Variants in HEG1 observed in about 807,000 individuals in gnomAD.
The protein encoded by HEG1 is heart development protein with EGF like domains 1, also known as protein HEG homolog 1.
HEG1 carries 56 observed loss-of-function variants against 125.6 expected under a neutral mutation model. That is an observed-to-expected ratio of 0.45 (90% CI 0.36 to 0.56). The LOEUF (loss-of-function observed/expected upper bound fraction) is 0.56. Ranked by LOEUF, HEG1 falls within the 20% of genes least tolerant of loss-of-function variation. The probability of loss-of-function intolerance (pLI) is 0.00; values close to 1 mark genes in which losing one functional copy is unlikely to be tolerated. For synonymous variants in HEG1, 644 were observed against 668.5 expected, an observed-to-expected ratio of 0.96 and a Z score of 0.57; for missense variants, 1,523 against 1,670.0, an observed-to-expected ratio of 0.91 and a Z score of 1.53.
At chr3:125,037,813 A>G (rs1001387169) in intron 1 of HEG1, among the ~76,000 whole-genome samples, 1 of 152,236 alleles carries the variant, frequency 6.6e-6, no homozygotes, top group Non-Finnish European at 1.5e-5. Context: ...GGTTCAAGTC[A>G]GACCATGTAG....
intron 8 of HEG1, among the ~76,000 whole-genome samples, chr3:125,005,706 C>T (rs1937061706): frequency 6.6e-6 from 1 of 152,164 alleles, no homozygotes; most frequent in African/African-American, 2.4e-5. Flanking sequence ...AAGAAAGCTG[C>T]TACAAAGAAG....
intron 3 of HEG1, among the ~76,000 whole-genome samples, chr3:125,022,693 AAAGAAAT>A (rs796665637): frequency 0.033 from 3,878 of 116,896 alleles, 79 homozygotes; most frequent in South Asian, 0.1. Flanking sequence ...TTAAAAAAAA[AAAGAAAT>A]AAATAAATAA....
intron 1 of HEG1, among the ~76,000 whole-genome samples, chr3:125,034,849 G>A (rs1012478387): frequency 6.6e-6 from 1 of 152,120 alleles, no homozygotes; most frequent in Admixed American, 6.6e-5. Flanking sequence ...TGCCCAAAAT[G>A]AGATTAAAAA....
chr3:125,010,197 G>A (rs1313437624), intron 7 of HEG1, among the ~76,000 whole-genome samples: 1 of 152,208 alleles, frequency 6.6e-6, no homozygotes, highest in African/African-American at 2.4e-5. Context: ...TCCAGGGGCA[G>A]GAATAGGGTA....
intron 6 of HEG1, among the ~76,000 whole-genome samples, chr3:125,011,960 C>T (rs112750496): frequency 2.6e-4 from 40 of 152,348 alleles, no homozygotes; most frequent in African/African-American, 9.1e-4. Flanking sequence ...GCTACAAAAA[C>T]AACCCTAAGT....
At chr3:125,008,902 C>T (rs534296013) in intron 8 of HEG1, among the ~76,000 whole-genome samples, 29 of 152,372 alleles carry the variant, frequency 1.9e-4, no homozygotes, top group Non-Finnish European at 3.5e-4. Context: ...ACAAGGGTCA[C>T]ACCCTGCAAG....
At chr3:124,974,592 A>G (rs146787173) in intron 15 of HEG1, among the ~76,000 whole-genome samples, 76 of 152,330 alleles carry the variant, frequency 5.0e-4, no homozygotes, top group African/African-American at 1.6e-3. Context: ...ACAAATTCTC[A>G]TTTCAGCAGG....
intron 5 of HEG1, among the ~76,000 whole-genome samples, chr3:125,015,468 G>A (rs1452216376): frequency 1.3e-5 from 2 of 152,220 alleles, no homozygotes; most frequent in African/African-American, 4.8e-5. Context: ...ATGGCCACAA[G>A]GCCAGTCATT....
rs530035101 is a variant in HEG1 at position 125,045,613 on chromosome 3, A to C, written c.316+9962T>G. On this transcript the variant is annotated intron_variant, in intron 1 of 16. Transcript: ENST00000311127. ...ACAGGACAGAGACGAACAACTGAAA[A>C]GGCTATTGAGATTTCTCAGCAATGT... 2.0e-5 allele frequency among the ~76,000 whole-genome samples: 3 copies of C among 152,336 alleles called. No individual in the cohort carries two copies. In the South Asian group the frequency reaches 6.2e-4, roughly 32 times the overall value.
chr3:124,983,070 C>T (rs1936680598), intron 14 of HEG1, among the ~76,000 whole-genome samples: 1 of 152,190 alleles, frequency 6.6e-6, no homozygotes, highest in Non-Finnish European at 1.5e-5. Flanking sequence ...CCTCGCTACC[C>T]CCAGCTGCTG....
intron 15 of HEG1, among the ~76,000 whole-genome samples, chr3:124,976,387 C>T (rs778375983): frequency 1.3e-5 from 2 of 152,060 alleles, no homozygotes; most frequent in Non-Finnish European, 2.9e-5. Context: ...AGGGTTTCAC[C>T]ATGTTGGCCA....
chr3:125,014,132 G>T (rs6438872), intron 5 of HEG1, 142 bp from the exon 6 acceptor site: 492,755 of 775,496 alleles, frequency 0.64, 160,234 homozygotes, highest in East Asian at 0.9. Context: ...TGGTTTTCAA[G>T]GGTGAGCACT....
intron 1 of HEG1, among the ~76,000 whole-genome samples, chr3:125,053,216 C>A (rs1937853447): frequency 6.6e-6 from 1 of 152,170 alleles, no homozygotes; most frequent in South Asian, 2.1e-4. Context: ...CCTGTGGAGG[C>A]CCTCTCAGCA....
chr3:125,047,738 T>C (rs1033374649), intron 1 of HEG1, among the ~76,000 whole-genome samples: 2 of 152,168 alleles, frequency 1.3e-5, no homozygotes, highest in Admixed American at 6.5e-5. Context: ...GCCCAACATA[T>C]GATAATCACT....
At chr3:124,984,205 T>C (rs147442276) in intron 14 of HEG1, among the ~76,000 whole-genome samples, 58 of 152,226 alleles carry the variant, frequency 3.8e-4, no homozygotes, top group African/African-American at 1.3e-3. Context: ...TGTAGAAAGA[T>C]ATTTAAGCGG....
chr3:124,966,742 C>T lies in HEG1; in HGVS notation c.*3910G>A, dbSNP rs569500021. ...TCAAAACCCTGTGTGTTAGGCTAAA[C>T]TTAGCCAAGGGCAACTGGAGTGGAC... On this transcript the variant is annotated 3_prime_UTR_variant, in exon 17 of 17. Coordinates refer to ENST00000311127, the MANE Select transcript of HEG1 (RefSeq NM_020733.2). The T allele has an allele frequency of 3.9e-5, 6 of 152,350 alleles. No individual in the cohort carries two copies. Among genetic ancestry groups the T allele is most frequent in the Admixed American group, 3.9e-4 (6 of 15,306 alleles). 9.4% of individuals were successfully genotyped at this position (152,350 alleles called of 1,614,324 possible). A position where few individuals can be genotyped will look rare whatever the true frequency, so the allele number is the denominator to read the frequency against.
intron 14 of HEG1, among the ~76,000 whole-genome samples, chr3:124,981,985 C>T (rs1239227907): frequency 6.6e-6 from 1 of 152,118 alleles, no homozygotes; most frequent in Non-Finnish European, 1.5e-5. Context: ...TCACTGCAAC[C>T]TCTGCCTCCC....
chr3:125,034,379 C>T (rs1937534033), intron 1 of HEG1, among the ~76,000 whole-genome samples: 1 of 151,874 alleles, frequency 6.6e-6, no homozygotes, highest in Non-Finnish European at 1.5e-5. Flanking sequence ...TAAAAAGAGA[C>T]TATAAATAAT....
chr3:124,977,782 C>T (rs1444286592), intron 15 of HEG1, 77 bp downstream of exon 15: 1 of 889,544 alleles, frequency 1.1e-6, no homozygotes, highest in African/African-American at 1.7e-5. Context: ...CTCAAGTATC[C>T]TGTAAAAGAA....
Sources: allele counts gnomAD v4.1 joint callset (sites outside exome capture counted in the v4.1 genomes callset), GRCh38; gene constraint gnomAD v4.1.1; transcripts MANE v1.5; gene names NCBI Gene and HGNC (gene_info 2026-07-23, HGNC 2026-07-21).